The following PELP1 variants were observed in gnomAD, a reference collection of about 807,000 sequenced individuals.
The protein encoded by PELP1 is proline-, glutamic acid- and leucine-rich protein 1.
In PELP1, 32 loss-of-function variants were observed where a neutral mutation model predicts 95.5. The ratio of observed to expected loss-of-function variants is 0.34; its 90% confidence interval spans 0.25 to 0.45. PELP1 has a LOEUF of 0.45. PELP1 is among the 20% of genes least tolerant of loss of function. The pLI is 1.00. For synonymous variants in PELP1, 668 were observed against 600.1 expected (o/e 1.11, Z -1.65); for missense variants, 1,358 against 1,444.8 (o/e 0.94, Z 0.97).
At chr17:4,686,160 A>G (rs540241579) in intron 3 of PELP1, among the ~76,000 whole-genome samples, 4 of 152,096 alleles carry the variant, frequency 2.6e-5, no homozygotes, top group Non-Finnish European at 5.9e-5. Context: ...ATGCCCGGCC[A>G]CTTCCACTGA....
In PELP1 at chr17:4,672,809, C is replaced by G. The variant is rs770325846; in HGVS notation, c.2182G>C (p.Glu728Gln). 6.2e-7 allele frequency: 1 copy of G among 1,613,844 alleles called. No homozygotes were observed. Among genetic ancestry groups the G allele is most frequent in the Middle Eastern group, 1.7e-4 (1 of 6,056 alleles). Reference protein sequence around the residue: ...SVPPRLLPGPENHRAGSNEDP... With the variant: ...SVPPRLLPGPQNHRAGSNEDP... ...TCATTTGAGCCTGCCCGGTGGTTCT[C>G]AGGGCCAGGAAGAAGCCGGGGAGGG... is the stretch of plus-strand genomic sequence containing the variant. Residue 728 changes from glutamate to glutamine, a missense_variant, in exon 16 of 17, where the codon GAG becomes CAG. Glu to Gln is a conservative substitution (Grantham distance 29). Coordinates refer to ENST00000572293, the MANE Select transcript of PELP1 (RefSeq NM_014389.3).
At chr17:4,683,827 G>GT (rs1912806870) in intron 3 of PELP1, among the ~76,000 whole-genome samples, 3 of 125,146 alleles carry the variant, frequency 2.4e-5, no homozygotes, top group African/African-American at 9.3e-5. Context: ...ACAGTGCCCA[G>GT]CCTTTTTTTT....
rs370066856 is a variant in PELP1 at position 4,673,598 on chromosome 17, C to T, written c.1638+21G>A. 5.7e-5 allele frequency: 92 copies of T among 1,611,702 alleles called. No homozygotes were observed. The highest frequency in any genetic ancestry group is 1.6e-4 in the Middle Eastern group (1 of 6,072). On this transcript the variant is annotated intron_variant, in intron 14 of 16. Coordinates refer to ENST00000572293, the MANE Select transcript of PELP1 (RefSeq NM_014389.3). This position sits in a 1 kb window ranked among gnomAD's most constrained non-coding sequence, Gnocchi z 5.7. ...GCAGGGGCCCCTTCCCCTATCTCCACGGAGACGAGGCTCCACTAACCCTGT... is the reference window on the plus strand; with the variant it reads ...GCAGGGGCCCCTTCCCCTATCTCCATGGAGACGAGGCTCCACTAACCCTGT...
At chr17:4,682,378 T>C in intron 5 of PELP1, 124 bp downstream of exon 5, 1 of 685,292 alleles carries the variant, frequency 1.5e-6, no homozygotes, top group Non-Finnish European at 2.6e-6. Flanking sequence ...AGAAGTGTAC[T>C]TGTGGAGATA....
Position 4,672,854 on chromosome 17 carries a change from C to A in PELP1, c.2137G>T (p.Val713Phe), listed in dbSNP as rs762576153. 2.0e-5 allele frequency: 32 copies of A among 1,613,876 alleles called. No individual in the cohort carries two copies. The East Asian group carries it at 7.1e-4, about 36-fold the overall frequency. ...GGAGGGACAGACACTAGGCCTGGGA[C>A]AGAAAGGCCTAGGTGGTTGGCTGTG... ...PTTANHLGLSVPGLVSVPPRL... is the reference protein window; with the variant it reads ...PTTANHLGLSFPGLVSVPPRL... Residue 713 changes from valine to phenylalanine, a missense_variant, in exon 16 of 17, where the codon GTC (valine) becomes TTC (phenylalanine). Physicochemically the swap from Val to Phe is conservative, Grantham distance 50. This residue lies in a region of PELP1 where 340 missense variants were observed against 322.9 expected (regional missense o/e 1.05). Coordinates refer to ENST00000572293, the MANE Select transcript of PELP1 (RefSeq NM_014389.3).
intron 2 of PELP1, 82 bp downstream of exon 2, chr17:4,691,296 G>A: frequency 1.0e-6 from 1 of 995,326 alleles, no homozygotes; most frequent in Non-Finnish European, 1.6e-6. Context: ...CCTGGGGACG[G>A]TGACAATGAA....
intron 6 of PELP1, 26 bp from the exon 7 acceptor site, chr17:4,676,533 G>T (rs770511453): frequency 6.2e-6 from 10 of 1,611,956 alleles, no homozygotes; most frequent in Non-Finnish European, 8.5e-6. Flanking sequence ...CAGAAACCTG[G>T]TCAGATGGGA....
At chr17:4,701,474 T>A (rs1913533316) in intron 1 of PELP1, among the ~76,000 whole-genome samples, 1 of 152,094 alleles carries the variant, frequency 6.6e-6, no homozygotes, top group Admixed American at 6.5e-5. Flanking sequence ...AGCTACTGTG[T>A]GGGGAACGGA....
At chr17:4,691,669 C>A (rs1043048107) in intron 1 of PELP1, 35 of 560,896 alleles carry the variant, frequency 6.2e-5, no homozygotes, top group Non-Finnish European at 7.6e-5. Context: ...ATCCTTCCCT[C>A]CATGCCCCAC....
chr17:4,696,154 C>T (rs1314113192), intron 1 of PELP1, among the ~76,000 whole-genome samples: 3 of 151,780 alleles, frequency 2.0e-5, no homozygotes, highest in African/African-American at 7.3e-5. Context: ...CGAGGGAGAC[C>T]CCCATTCTCC....
At chr17:4,685,048 C>A (rs181864345) in intron 3 of PELP1, among the ~76,000 whole-genome samples, 67 of 152,192 alleles carry the variant, frequency 4.4e-4, no homozygotes, top group African/African-American at 9.1e-4. Flanking sequence ...CACCCAATTT[C>A]TCTCCCTCAT....
chr17:4,689,785 T>A (rs1385891764), intron 3 of PELP1, among the ~76,000 whole-genome samples: 1 of 152,220 alleles, frequency 6.6e-6, no homozygotes, highest in Non-Finnish European at 1.5e-5. Context: ...CCCAGCACTT[T>A]GGGAGGCCAA....
intron 5 of PELP1, among the ~76,000 whole-genome samples, chr17:4,679,992 G>A (rs747975175): frequency 6.6e-6 from 1 of 152,136 alleles, no homozygotes; most frequent in African/African-American, 2.4e-5. Flanking sequence ...CCAGGCCAGC[G>A]AGCTACACAG....
intron 3 of PELP1, among the ~76,000 whole-genome samples, chr17:4,689,740 G>A (rs1457031038): frequency 1.3e-5 from 2 of 152,192 alleles, no homozygotes; most frequent in African/African-American, 2.4e-5. Flanking sequence ...AAGAAAATGT[G>A]GTGTGGGCCA....
chr17:4,675,180 G>A lies in PELP1; in HGVS notation c.1173C>T (p.Leu391=), dbSNP rs769077611. The A allele has an allele frequency of 4.3e-6, 7 of 1,613,666 alleles. No individual in the cohort carries two copies. The South Asian group carries it at 5.5e-5, about 13-fold the overall frequency. Reference sequence around the variant, plus strand: ...GGCCGATCAGGATCCCAAAGCGCAAGAGCCGGCTTCCACACCTGGGGCAGA... The same window carrying A: ...GGCCGATCAGGATCCCAAAGCGCAAAAGCCGGCTTCCACACCTGGGGCAGA... ...SALILACGSR[L]LRFGILIGRL... is the part of the protein sequence containing the mutation. The change falls in exon 11 of 17, where the codon CTC becomes CTT. Residue 391 remains leucine (L), a synonymous_variant. Transcript: ENST00000572293. The surrounding 1 kb of genome is among the most constrained non-coding windows in gnomAD (Gnocchi z 4.3).
intron 1 of PELP1, among the ~76,000 whole-genome samples, chr17:4,703,309 C>A (rs1913621372): frequency 6.6e-6 from 1 of 152,176 alleles, no homozygotes; most frequent in Admixed American, 6.6e-5. Flanking sequence ...CCTACCCAAC[C>A]CCTATTCATC....
intron 5 of PELP1, among the ~76,000 whole-genome samples, chr17:4,680,434 C>T (rs920329067): frequency 1.3e-5 from 2 of 152,126 alleles, no homozygotes; most frequent in South Asian, 2.1e-4. Flanking sequence ...CACACCGCCA[C>T]GCCTGGCTAA....
intron 1 of PELP1, among the ~76,000 whole-genome samples, chr17:4,699,897 A>ATTTTTTTTTTTTT (rs34806511): frequency 1.2e-5 from 1 of 86,740 alleles, no homozygotes; most frequent in African/African-American, 4.7e-5. Flanking sequence ...CTAGAGGGTG[A>ATTTTTTTTTTTTT]TTTTTTTTTT....
intron 3 of PELP1, among the ~76,000 whole-genome samples, chr17:4,686,925 A>G (rs1005588630): frequency 1.1e-4 from 16 of 152,200 alleles, no homozygotes; most frequent in African/African-American, 3.4e-4. Flanking sequence ...AGCATGGTCT[A>G]TAAGGCCATA....
Sources: gnomAD v4.1 joint callset for allele counts (sites outside exome capture counted in the v4.1 genomes callset) on GRCh38, gnomAD v4.1.1 for gene constraint, gnomAD v4.1.1 regional missense constraint, Gnocchi (gnomAD v3.1) non-coding constraint, MANE v1.5 for transcripts, NCBI Gene and HGNC (gene_info 2026-07-23, HGNC 2026-07-21) for gene names.